The following ITGA11 variants were observed in gnomAD, a reference collection of about 807,000 sequenced individuals.
ITGA11 encodes integrin alpha-11.
Under a neutral mutation model 141.9 loss-of-function variants are expected in ITGA11, and 97 were observed. That is an observed-to-expected ratio of 0.68 (90% CI 0.58 to 0.81). The LOEUF is 0.81. Ranked by LOEUF, ITGA11 falls within the 30% of genes least tolerant of loss-of-function variation. The probability of loss-of-function intolerance (pLI) is 0.00; values close to 1 mark genes in which losing one functional copy is unlikely to be tolerated. For missense variants in ITGA11, 1,387 were observed against 1,559.2 expected (o/e 0.89, Z 1.86); for synonymous variants, 658 against 624.6 (o/e 1.05, Z -0.80).
At chr15:68,358,716 G>A in intron 5 of ITGA11, 131 bp from the exon 6 acceptor site, 1 of 1,025,968 alleles carries the variant, frequency 9.7e-7, no homozygotes, top group Non-Finnish European at 1.4e-6. Context: ...CTGGGAAACT[G>A]TCCTTGGGTT....
chr15:68,349,242 A>T (rs1020061112), intron 9 of ITGA11, among the ~76,000 whole-genome samples: 4 of 152,252 alleles, frequency 2.6e-5, no homozygotes, highest in African/African-American at 9.6e-5. Context: ...AGTGCACAGA[A>T]ATAGTGTACG....
chr15:68,428,660 G>A (rs957634542), intron 1 of ITGA11, among the ~76,000 whole-genome samples: 2 of 152,204 alleles, frequency 1.3e-5, no homozygotes, highest in African/African-American at 2.4e-5. Flanking sequence ...GGGAAGGAGA[G>A]GCTGGGAGCA....
chr15:68,360,878 TG>T (rs1244830470), intron 5 of ITGA11, among the ~76,000 whole-genome samples: 1 of 152,192 alleles, frequency 6.6e-6, no homozygotes, highest in African/African-American at 2.4e-5. Context: ...CCTTGTTGTC[TG>T]GAGGGCGGCT....
intron 2 of ITGA11, among the ~76,000 whole-genome samples, chr15:68,385,570 C>G (rs1895965164): frequency 6.6e-6 from 1 of 152,262 alleles, no homozygotes; most frequent in African/African-American, 2.4e-5. Flanking sequence ...CCTAAACCCA[C>G]TGTAAAAGGA....
intron 22 of ITGA11, among the ~76,000 whole-genome samples, chr15:68,314,236 C>T (rs1893493162): frequency 6.6e-6 from 1 of 152,166 alleles, no homozygotes; most frequent in Admixed American, 6.5e-5. Flanking sequence ...TGGGAGATGA[C>T]ACCTGTGGCA....
At chr15:68,330,394 A>AT (rs58817010) in intron 15 of ITGA11, among the ~76,000 whole-genome samples, 25 of 150,940 alleles carry the variant, frequency 1.7e-4, no homozygotes, top group Non-Finnish European at 3.0e-4. Flanking sequence ...AGGCTGAGTG[A>AT]TTTTTTTTTC....
At chr15:68,375,957 C>A (rs1292964996) in intron 2 of ITGA11, among the ~76,000 whole-genome samples, 1 of 152,148 alleles carries the variant, frequency 6.6e-6, no homozygotes, top group Non-Finnish European at 1.5e-5. Flanking sequence ...AAATGACTGA[C>A]CCTCCCTTGA....
intron 2 of ITGA11, among the ~76,000 whole-genome samples, chr15:68,400,017 CTTATT>C (rs968799838): frequency 5.9e-5 from 9 of 152,142 alleles, no homozygotes; most frequent in African/African-American, 2.2e-4. Flanking sequence ...GACTTCGAGA[CTTATT>C]TTAAAGCTGC....
chr15:68,350,356 T>C (rs1213564555), intron 9 of ITGA11, among the ~76,000 whole-genome samples: 1 of 146,360 alleles, frequency 6.8e-6, no homozygotes, highest in Non-Finnish European at 1.5e-5. Flanking sequence ...AGCTAATTTT[T>C]GTAATTTTTT....
intron 1 of ITGA11, among the ~76,000 whole-genome samples, chr15:68,416,154 A>AT (rs1295642370): frequency 2.0e-4 from 30 of 152,308 alleles, no homozygotes; most frequent in African/African-American, 7.0e-4. Context: ...TGTATGGTAG[A>AT]TAAACTAATG....
rs746266657 is a variant in ITGA11 at position 68,302,998 on chromosome 15, G to T, written c.*61C>A. On this transcript the variant is annotated 3_prime_UTR_variant, in exon 30 of 30. Coordinates refer to ENST00000315757, the MANE Select transcript of ITGA11 (RefSeq NM_001004439.2). ...CAGCTCGGTGGGGCCACAGGCCTGG[G>T]TCTCAACACTACCTGGACTGGTGTC... 6 of 1,377,404 alleles carry T rather than the reference G, an allele frequency of 4.4e-6. No individual in the cohort carries two copies. The highest frequency in any genetic ancestry group is 6.0e-6 in the Non-Finnish European group (6 of 1,002,738). The allele number at this position is 1,377,404 out of a possible 1,614,324, so 85.3% of individuals were successfully genotyped here. A position where few individuals can be genotyped will look rare whatever the true frequency, so the allele number is the denominator to read the frequency against.
chr15:68,302,983 G>C lies in ITGA11; in HGVS notation c.*76C>G. 3.2e-6 allele frequency: 4 copies of C among 1,233,290 alleles called. No individual in the cohort carries two copies. Among genetic ancestry groups the C allele is most frequent in the Non-Finnish European group, 4.5e-6 (4 of 882,578 alleles). The allele number at this position is 1,233,290 out of a possible 1,614,324, so 76.4% of individuals were successfully genotyped here. A position where few individuals can be genotyped will look rare whatever the true frequency, so the allele number is the denominator to read the frequency against. On this transcript the variant is annotated 3_prime_UTR_variant, in exon 30 of 30. Coordinates refer to ENST00000315757, the MANE Select transcript of ITGA11 (RefSeq NM_001004439.2). ...GCTTCCTCTCCGCTCCAGCTCGGTG[G>C]GGCCACAGGCCTGGGTCTCAACACT...
At chr15:68,331,649 T>C (rs546549472) in intron 14 of ITGA11, among the ~76,000 whole-genome samples, 2 of 150,462 alleles carry the variant, frequency 1.3e-5, no homozygotes, top group Non-Finnish European at 3.0e-5. Context: ...AGGGAGAGAG[T>C]GCCAAAGGGG....
In ITGA11 at chr15:68,318,164, C is replaced by T. The variant is rs187056459; in HGVS notation, c.2617-801G>A. The stretch of plus-strand genomic sequence containing the variant: ...TTCCTGGGTTGGGGATGGGTGGTGG[C>T]ACCTGTGAAGGAGGTAGGCTCCAGG... On this transcript the variant is annotated intron_variant, in intron 20 of 29. Transcript: ENST00000315757. 2.4e-3 allele frequency among the ~76,000 whole-genome samples: 362 copies of T among 152,194 alleles called. 3 individuals are homozygous for T. Among genetic ancestry groups the T allele is most frequent in the African/African-American group, 8.3e-3 (343 of 41,510 alleles).
intron 2 of ITGA11, among the ~76,000 whole-genome samples, chr15:68,378,201 G>A (rs998965651): frequency 3.9e-5 from 6 of 152,240 alleles, no homozygotes; most frequent in African/African-American, 1.4e-4. Context: ...CCCCTCAGAT[G>A]TTAGAGGTGG....
At position 68,308,202 on chromosome 15, in the gene ITGA11, G is replaced by A. The variant is rs142208137; in HGVS notation, c.3175-506C>T. 1.2e-4 allele frequency among the ~76,000 whole-genome samples: 18 copies of A among 152,222 alleles called. No individual in the cohort carries two copies. In the South Asian group the frequency reaches 2.7e-3, roughly 23 times the overall value. ...ACTTTTTTTGCCCCAAAATAAACTC[G>A]TATTAACTTGTTGTAACCTATGTGA... is the stretch of plus-strand genomic sequence containing the variant. On this transcript the variant is annotated intron_variant, in intron 26 of 29. Coordinates refer to ENST00000315757, the MANE Select transcript of ITGA11 (RefSeq NM_001004439.2). The surrounding 1 kb of genome is among the most constrained non-coding windows in gnomAD (Gnocchi z 5.2).
chr15:68,302,896 T>C lies in ITGA11; in HGVS notation c.*163A>G. 1.7e-6 allele frequency: 1 copy of C among 601,870 alleles called. No individual in the cohort carries two copies. The highest frequency in any genetic ancestry group is 2.9e-6 in the Non-Finnish European group (1 of 341,868). The allele number at this position is 601,870 out of a possible 1,614,324, so 37.3% of individuals were successfully genotyped here. ...CAGTTCCACTTAAAACCAGCTTGAG[T>C]TCCATTCTGGAGGGAGCAGGCGCCA... On this transcript the variant is annotated 3_prime_UTR_variant, in exon 30 of 30. Transcript: ENST00000315757.
rs562812216 is a variant in ITGA11 at position 68,374,141 on chromosome 15, TC to T, written c.165-4858del. ...CCAATGAGGGAGAAGCAGATTCATA[TC>T]CCCTAGCTCATGCTCCACCTGGGGC... On this transcript the variant is annotated intron_variant, in intron 2 of 29. Transcript: ENST00000315757. Among the ~76,000 whole-genome samples the T allele has an allele frequency of 1.8e-4, 28 of 152,298 alleles. No homozygotes were observed. The East Asian group carries it at 5.2e-3, about 28-fold the overall frequency.
intron 2 of ITGA11, among the ~76,000 whole-genome samples, chr15:68,376,919 A>C (rs1895744580): frequency 6.6e-6 from 1 of 152,188 alleles, no homozygotes; most frequent in Non-Finnish European, 1.5e-5. Context: ...GAATCTGCAG[A>C]TCCTCTGGGG....
Sources: allele counts gnomAD v4.1 joint callset (sites outside exome capture counted in the v4.1 genomes callset), GRCh38; gene constraint gnomAD v4.1.1; non-coding constraint Gnocchi (gnomAD v3.1); transcripts MANE v1.5; gene names NCBI Gene and HGNC (gene_info 2026-07-23, HGNC 2026-07-21).